RPS6KC1: variants seen among roughly 807,000 people sequenced by gnomAD.
The protein encoded by RPS6KC1 is inactive ribosomal protein S6 kinase delta-1.
A neutral mutation model predicts 103.8 loss-of-function variants in RPS6KC1; 54 were observed. The observed-to-expected ratio is 0.52, with a 90% CI of 0.42 to 0.65. The LOEUF (loss-of-function observed/expected upper bound fraction) is 0.65. Among genes scored for constraint, RPS6KC1 ranks in the 30% least tolerant of loss-of-function variants. The pLI, the probability that RPS6KC1 is intolerant of heterozygous loss-of-function variation, is 0.00. For synonymous variants in RPS6KC1, 439 were observed against 438.7 expected (o/e 1.00, Z -0.01); for missense variants, 1,151 against 1,253.8 (o/e 0.92, Z 1.24).
At chr1:213,083,207 A>G (rs1440254169) in intron 3 of RPS6KC1, among the ~76,000 whole-genome samples, 1 of 152,232 alleles carries the variant, frequency 6.6e-6, no homozygotes, top group East Asian at 1.9e-4. Flanking sequence ...AGGAAGGCTA[A>G]AAACAACCAC....
At chr1:213,473,487 A>T in the RPS6KC1 span, among the ~76,000 whole-genome samples, 6 of 152,252 alleles carry the variant, frequency 3.9e-5, no homozygotes, top group Admixed American at 6.5e-5. Flanking sequence ...ACCCCAGGAC[A>T]TCAACTGCAT....
At chr1:213,846,088 C>T in the RPS6KC1 span, among the ~76,000 whole-genome samples, 4 of 143,950 alleles carry the variant, frequency 2.8e-5, no homozygotes, top group African/African-American at 7.8e-5. Flanking sequence ...GTCAGGAGTT[C>T]AAGACCAGCC....
At chr1:213,321,413 C>T in the RPS6KC1 span, among the ~76,000 whole-genome samples, 2 of 152,194 alleles carry the variant, frequency 1.3e-5, no homozygotes, top group African/African-American at 4.8e-5. Flanking sequence ...AAAGCACTTA[C>T]CACAATGCCT....
At chr1:213,195,442 A>G (rs894830408) in intron 8 of RPS6KC1, among the ~76,000 whole-genome samples, 1 of 152,032 alleles carries the variant, frequency 6.6e-6, no homozygotes, top group African/African-American at 2.4e-5. Context: ...AAAAATTCGT[A>G]ACGTGTTTAT....
chr1:213,362,296 C>T, the RPS6KC1 span, among the ~76,000 whole-genome samples: 65,004 of 152,046 alleles, frequency 0.43, 16,678 homozygotes, highest in African/African-American at 0.71. Flanking sequence ...ATTTTGCACA[C>T]TTTTTCTCGG....
chr1:213,380,584 G>T, the RPS6KC1 span, among the ~76,000 whole-genome samples: 1 of 152,018 alleles, frequency 6.6e-6, no homozygotes, highest in East Asian at 1.9e-4. Flanking sequence ...AACTATGTGC[G>T]GTGATAGGTG....
chr1:213,814,380 T>C, the RPS6KC1 span, among the ~76,000 whole-genome samples: 1 of 152,228 alleles, frequency 6.6e-6, no homozygotes, highest in African/African-American at 2.4e-5. Context: ...GAGAAGGAGC[T>C]ATGTGGATGT....
At chr1:213,734,080 T>C in the RPS6KC1 span, among the ~76,000 whole-genome samples, 149 of 152,330 alleles carry the variant, frequency 9.8e-4, 1 homozygote, top group African/African-American at 3.4e-3. Flanking sequence ...ATTCAGCAAG[T>C]GACAAAAGTG....
At chr1:213,413,430 T>G in the RPS6KC1 span, among the ~76,000 whole-genome samples, 1 of 152,318 alleles carries the variant, frequency 6.6e-6, no homozygotes, top group Admixed American at 6.5e-5. Flanking sequence ...GCTGGGAGGT[T>G]GGAGTGGCTT....
intron 8 of RPS6KC1, among the ~76,000 whole-genome samples, chr1:213,219,649 C>T (rs182674907): frequency 3.3e-5 from 5 of 152,086 alleles, no homozygotes; most frequent in African/African-American, 1.2e-4. Context: ...GAAAATGTGG[C>T]ACATATACAC....
the RPS6KC1 span, among the ~76,000 whole-genome samples, chr1:213,685,725 TC>T: frequency 2.6e-5 from 4 of 152,306 alleles, no homozygotes; most frequent in East Asian, 5.8e-4. Context: ...AAAGTCCTTT[TC>T]AAACTGTTAA....
the RPS6KC1 span, among the ~76,000 whole-genome samples, chr1:213,436,040 G>A: frequency 6.6e-6 from 1 of 152,096 alleles, no homozygotes; most frequent in African/African-American, 2.4e-5. Context: ...TGTCTTTCAG[G>A]GGTCGCTATT....
chr1:213,146,103 T>G (rs1273469193), intron 6 of RPS6KC1, among the ~76,000 whole-genome samples: 1 of 151,194 alleles, frequency 6.6e-6, no homozygotes, highest in African/African-American at 2.4e-5. Context: ...TTTTTTTTTT[T>G]TAATATTTAG....
chr1:213,197,086 C>G (rs553837815), intron 8 of RPS6KC1, among the ~76,000 whole-genome samples: 1 of 152,292 alleles, frequency 6.6e-6, no homozygotes, highest in Admixed American at 6.5e-5. Flanking sequence ...ATCCACCCGC[C>G]TCAGCCTCCC....
chr1:213,526,197 A>G, the RPS6KC1 span, among the ~76,000 whole-genome samples: 1 of 152,178 alleles, frequency 6.6e-6, no homozygotes, highest in African/African-American at 2.4e-5. Context: ...TGATCGATTG[A>G]ATGTTTACAT....
the RPS6KC1 span, among the ~76,000 whole-genome samples, chr1:213,646,886 T>C: frequency 4.7e-5 from 7 of 150,362 alleles, no homozygotes; most frequent in Non-Finnish European, 8.8e-5. Context: ...TGTATGCATA[T>C]ATATATATAT....
At chr1:213,589,957 G>T in the RPS6KC1 span, among the ~76,000 whole-genome samples, 6 of 145,480 alleles carry the variant, frequency 4.1e-5, no homozygotes, top group Non-Finnish European at 8.8e-5. Flanking sequence ...GTGTGTGTGT[G>T]TGTGTGTGTG....
chr1:213,482,576 G>A, the RPS6KC1 span, among the ~76,000 whole-genome samples: 4 of 82,798 alleles, frequency 4.8e-5, no homozygotes, highest in African/African-American at 1.3e-4. Context: ...TTGAGATGGA[G>A]TCTTGCTCTG....
chr1:213,307,460 T>G, the RPS6KC1 span, among the ~76,000 whole-genome samples: 1 of 152,180 alleles, frequency 6.6e-6, no homozygotes, highest in South Asian at 2.1e-4. Context: ...ACGTACCATC[T>G]CCCTTTATGT....
Sources: allele counts gnomAD v4.1 joint callset (sites outside exome capture counted in the v4.1 genomes callset), GRCh38; gene constraint gnomAD v4.1.1; transcripts MANE v1.5; gene names NCBI Gene and HGNC (gene_info 2026-07-23, HGNC 2026-07-21).